The following ANO3 variants were observed in gnomAD, a reference collection of about 807,000 sequenced individuals.
ANO3 encodes the protein anoctamin-3.
ANO3 carries 99 observed loss-of-function variants against 144.8 expected under a neutral mutation model. The observed-to-expected ratio is 0.68, with a 90% CI of 0.58 to 0.81. The LOEUF is 0.81. Ranked by LOEUF, ANO3 falls within the 30% of genes least tolerant of loss-of-function variation. ANO3 has a pLI of 0.00. For synonymous variants in ANO3, 414 were observed against 392.6 expected (o/e 1.05, Z -0.64); for missense variants, 905 against 1,202.2 (o/e 0.75, Z 3.66).
chr11:26,333,836 G>C (rs1855125851), intron 1 of ANO3, among the ~76,000 whole-genome samples: 1 of 152,174 alleles, frequency 6.6e-6, no homozygotes, highest in Non-Finnish European at 1.5e-5. Context: ...TTCAAATAAA[G>C]TTAAACTGCT....
chr11:26,198,966 C>T (rs186963791), intron 1 of ANO3, among the ~76,000 whole-genome samples: 2 of 152,252 alleles, frequency 1.3e-5, no homozygotes, highest in East Asian at 3.9e-4. Context: ...CTACCTGGCT[C>T]ATACAAAAGA....
chr11:26,226,920 A>G (rs1173652156), intron 1 of ANO3, among the ~76,000 whole-genome samples: 2 of 152,094 alleles, frequency 1.3e-5, no homozygotes, highest in Admixed American at 6.6e-5. Flanking sequence ...GAAACTCAGT[A>G]CTCATTAGAT....
intron 8 of ANO3, among the ~76,000 whole-genome samples, chr11:26,531,768 A>G (rs927656822): frequency 3.9e-5 from 6 of 152,182 alleles, no homozygotes; most frequent in Admixed American, 6.5e-5. Context: ...TTTTAGTTCA[A>G]TCTTATTAAA....
intron 14 of ANO3, among the ~76,000 whole-genome samples, chr11:26,595,420 G>A (rs61878572): frequency 0.031 from 4,537 of 148,064 alleles, 102 homozygotes; most frequent in Non-Finnish European, 0.049. Flanking sequence ...GTTTTGGAGA[G>A]GGTGTAGGTA....
intron 1 of ANO3, among the ~76,000 whole-genome samples, chr11:26,402,216 A>C (rs973379111): frequency 1.3e-5 from 2 of 151,996 alleles, no homozygotes; most frequent in Non-Finnish European, 2.9e-5. Flanking sequence ...GAATTACCAC[A>C]TCGTCTTCCA....
intron 1 of ANO3, chr11:26,287,561 C>T (rs1853836828): frequency 6.6e-6 from 1 of 152,094 alleles, no homozygotes; most frequent in Admixed American, 6.6e-5. Context: ...TGTTAATGTT[C>T]ATAACAAAAA....
At chr11:26,526,425 T>G (rs1459755045) in intron 7 of ANO3, among the ~76,000 whole-genome samples, 1 of 152,142 alleles carries the variant, frequency 6.6e-6, no homozygotes, top group Non-Finnish European at 1.5e-5. Context: ...AAGAACCAGT[T>G]AACAAAGATA....
intron 14 of ANO3, among the ~76,000 whole-genome samples, chr11:26,571,138 A>C (rs293971): frequency 0.92 from 139,911 of 152,082 alleles, 64,751 homozygotes; most frequent in East Asian, 0.98. Flanking sequence ...CAGTCATAAA[A>C]TTCAGTACTT....
rs572611548 is a variant in ANO3 at position 26,640,725 on chromosome 11, A to G, written c.2142-1171A>G. Among the ~76,000 whole-genome samples the G allele has an allele frequency of 1.8e-3, 273 of 152,272 alleles. 1 individual carries two copies. The highest frequency in any genetic ancestry group is 3.4e-3 in the Middle Eastern group (1 of 294). On this transcript the variant is annotated intron_variant, in intron 21 of 26. Coordinates refer to ENST00000256737, the MANE Select transcript of ANO3 (RefSeq NM_031418.4). ...ACATATATCAAATCCTAAGGGCACC[A>G]TGGCACATCTTACCCTTCCCGATAT... is the stretch of plus-strand genomic sequence containing the variant.
chr11:26,253,766 T>C (rs775426642), intron 1 of ANO3, among the ~76,000 whole-genome samples: 2 of 152,060 alleles, frequency 1.3e-5, no homozygotes, highest in African/African-American at 2.4e-5. Context: ...GAAGACCCAA[T>C]TGCTAATTTA....
chr11:26,384,742 G>C (rs1374240583), intron 1 of ANO3, among the ~76,000 whole-genome samples: 3 of 152,042 alleles, frequency 2.0e-5, no homozygotes, highest in African/African-American at 7.2e-5. Flanking sequence ...CTTCTCACTG[G>C]CCTTTGTGCT....
intron 14 of ANO3, chr11:26,567,088 T>G: frequency 6.7e-7 from 1 of 1,487,802 alleles, no homozygotes; most frequent in Non-Finnish European, 9.0e-7. Context: ...GATTGTATTA[T>G]GCCCATTTTG....
intron 14 of ANO3, among the ~76,000 whole-genome samples, chr11:26,570,328 C>G (rs1850772022): frequency 6.6e-6 from 1 of 152,004 alleles, no homozygotes; most frequent in South Asian, 2.1e-4. Context: ...ACAAAAAACA[C>G]CTCTGGCCAG....
chr11:26,435,059 T>C (rs1272334837), intron 1 of ANO3, among the ~76,000 whole-genome samples: 1 of 152,190 alleles, frequency 6.6e-6, no homozygotes, highest in African/African-American at 2.4e-5. Context: ...TTGAAGTCTC[T>C]TTGTAGGTCT....
At chr11:26,571,782 C>A (rs1850836844) in intron 14 of ANO3, among the ~76,000 whole-genome samples, 1 of 152,090 alleles carries the variant, frequency 6.6e-6, no homozygotes, top group African/African-American at 2.4e-5. Context: ...TTATTTAACT[C>A]TTCTGCTGGT....
intron 4 of ANO3, among the ~76,000 whole-genome samples, chr11:26,467,679 G>T (rs955516145): frequency 6.8e-6 from 1 of 147,634 alleles, no homozygotes; most frequent in East Asian, 2.0e-4. Flanking sequence ...TTATCCATTC[G>T]CCTGTTGATG....
intron 1 of ANO3, among the ~76,000 whole-genome samples, chr11:26,396,856 T>G (rs1857027066): frequency 6.6e-6 from 1 of 151,926 alleles, no homozygotes; most frequent in African/African-American, 2.4e-5. Flanking sequence ...GATGGGTTGA[T>G]GAGTGTGGCA....
chr11:26,606,070 A>G (rs1851927731), intron 17 of ANO3, among the ~76,000 whole-genome samples: 1 of 152,186 alleles, frequency 6.6e-6, no homozygotes, highest in Non-Finnish European at 1.5e-5. Flanking sequence ...TCTTGTGGGC[A>G]TTCAGTGCTA....
At chr11:26,324,218 T>G (rs2133881691) in intron 1 of ANO3, among the ~76,000 whole-genome samples, 1 of 152,334 alleles carries the variant, frequency 6.6e-6, no homozygotes, top group East Asian at 1.9e-4. Flanking sequence ...TGTTCATAGG[T>G]AACTTTGAAA....
Sources: allele counts gnomAD v4.1 joint callset (sites outside exome capture counted in the v4.1 genomes callset), GRCh38; gene constraint gnomAD v4.1.1; transcripts MANE v1.5; gene names NCBI Gene and HGNC (gene_info 2026-07-23, HGNC 2026-07-21).